Variants in GBE1 observed in about 807,000 individuals in gnomAD.
GBE1 encodes 1,4-alpha-glucan branching enzyme 1.
In GBE1, 70 loss-of-function variants were observed where a neutral mutation model predicts 88.8. The observed-to-expected ratio is 0.79, with a 90% CI of 0.65 to 0.96. The LOEUF (loss-of-function observed/expected upper bound fraction) is 0.96, where lower values mean the gene tolerates loss of function less well. Among genes scored for constraint, GBE1 ranks in the 40% least tolerant of loss-of-function variants. GBE1 has a pLI of 0.00. For synonymous variants in GBE1, 284 were observed against 300.1 expected, an observed-to-expected ratio of 0.95 and a Z score of 0.56; for missense variants, 872 against 871.0, an observed-to-expected ratio of 1.00 and a Z score of -0.01.
intron 12 of GBE1, among the ~76,000 whole-genome samples, chr3:81,567,113 T>A (rs1703505854): frequency 6.6e-6 from 1 of 152,178 alleles, no homozygotes; most frequent in Non-Finnish European, 1.5e-5. Context: ...ACGCTCATCA[T>A]CCCCTCAGAA....
At chr3:81,495,205 A>G (rs1702485316) in intron 15 of GBE1, among the ~76,000 whole-genome samples, 1 of 152,182 alleles carries the variant, frequency 6.6e-6, no homozygotes, top group Non-Finnish European at 1.5e-5. Flanking sequence ...CCTGGCCAAC[A>G]TGATGAAACC....
At chr3:81,750,645 G>A (rs13067988) in intron 1 of GBE1, among the ~76,000 whole-genome samples, 982 of 47,688 alleles carry the variant, frequency 0.021, 111 homozygotes, top group East Asian at 0.09. Flanking sequence ...ATATATATAT[G>A]TATATATATA....
intron 7 of GBE1, among the ~76,000 whole-genome samples, chr3:81,609,606 A>G (rs1704145935): frequency 6.7e-6 from 1 of 149,032 alleles, no homozygotes; most frequent in South Asian, 2.1e-4. Context: ...TTCTTTTGTT[A>G]TTTTGCTTGT....
intron 2 of GBE1, among the ~76,000 whole-genome samples, chr3:81,687,256 T>C (rs1451265535): frequency 6.6e-6 from 1 of 152,112 alleles, no homozygotes; most frequent in African/African-American, 2.4e-5. Flanking sequence ...CAACTTTATA[T>C]GCAGAGGGAA....
At chr3:81,586,917 T>C (rs759288875) in intron 9 of GBE1, among the ~76,000 whole-genome samples, 3 of 151,994 alleles carry the variant, frequency 2.0e-5, no homozygotes, top group Non-Finnish European at 4.4e-5. Context: ...GCCTCCCGAA[T>C]AGCTGGGATT....
intron 2 of GBE1, among the ~76,000 whole-genome samples, chr3:81,696,592 T>C (rs1464181018): frequency 1.3e-5 from 2 of 152,128 alleles, no homozygotes; most frequent in East Asian, 3.9e-4. Context: ...AGAATATGAA[T>C]AATGCACTTT....
intron 14 of GBE1, among the ~76,000 whole-genome samples, chr3:81,499,829 A>T (rs1038200409): frequency 5.3e-5 from 8 of 152,196 alleles, no homozygotes; most frequent in Admixed American, 3.3e-4. Context: ...AGCATATTAC[A>T]GCAAAATTAA....
chr3:81,754,516 A>C (rs1025155804), intron 1 of GBE1, among the ~76,000 whole-genome samples: 4 of 148,438 alleles, frequency 2.7e-5, no homozygotes, highest in African/African-American at 9.8e-5. Context: ...AATCTTAGCA[A>C]AAAAAAAAAA....
chr3:81,665,720 G>A (rs1173910329), intron 3 of GBE1, among the ~76,000 whole-genome samples: 2 of 152,000 alleles, frequency 1.3e-5, no homozygotes, highest in Non-Finnish European at 2.9e-5. Context: ...GGAGTACACA[G>A]AAAAAACAAA....
intron 7 of GBE1, among the ~76,000 whole-genome samples, chr3:81,623,925 C>A (rs937262835): frequency 6.6e-6 from 1 of 152,158 alleles, no homozygotes; most frequent in African/African-American, 2.4e-5. Flanking sequence ...CCTGTCTTGG[C>A]CTCCCAAAGT....
chr3:81,740,773 C>T (rs968972725), intron 1 of GBE1, among the ~76,000 whole-genome samples: 3 of 151,876 alleles, frequency 2.0e-5, no homozygotes, highest in African/African-American at 7.3e-5. Flanking sequence ...AGTGCACACA[C>T]ACACACACAC....
chr3:81,712,816 A>G (rs1398384231), intron 1 of GBE1, among the ~76,000 whole-genome samples: 3 of 151,956 alleles, frequency 2.0e-5, no homozygotes, highest in Non-Finnish European at 4.4e-5. Flanking sequence ...ATAAATAAAT[A>G]AATAAATAAA....
intron 12 of GBE1, among the ~76,000 whole-genome samples, chr3:81,561,562 T>C (rs1703417457): frequency 6.6e-6 from 1 of 152,012 alleles, no homozygotes; most frequent in African/African-American, 2.4e-5. Context: ...CTGACTGACA[T>C]GACAAGTGTG....
intron 12 of GBE1, among the ~76,000 whole-genome samples, chr3:81,552,616 T>C (rs1476345973): frequency 6.6e-6 from 1 of 151,600 alleles, no homozygotes; most frequent in African/African-American, 2.4e-5. Context: ...AAATCAGATT[T>C]CTATATTCCA....
intron 7 of GBE1, chr3:81,613,052 A>G: frequency 1.4e-6 from 1 of 692,210 alleles, no homozygotes; most frequent in Non-Finnish European, 2.1e-6. Context: ...GGGAGGAAAG[A>G]GAGGAGGATG....
intron 1 of GBE1, among the ~76,000 whole-genome samples, chr3:81,758,631 T>C (rs1322877464): frequency 6.6e-6 from 1 of 152,250 alleles, no homozygotes; most frequent in Non-Finnish European, 1.5e-5. Flanking sequence ...CAACTAATTG[T>C]AGTGTAACAA....
At chr3:81,705,767 C>T (rs1705767412) in intron 1 of GBE1, among the ~76,000 whole-genome samples, 154 bp from the exon 2 acceptor site, 1 of 152,134 alleles carries the variant, frequency 6.6e-6, no homozygotes, top group East Asian at 1.9e-4. Flanking sequence ...GTAGAGGCTA[C>T]CTGGTAGGAT....
intron 2 of GBE1, among the ~76,000 whole-genome samples, chr3:81,683,508 G>C (rs1705388863): frequency 6.6e-6 from 1 of 152,158 alleles, no homozygotes; most frequent in Admixed American, 6.6e-5. Context: ...TGCCAAGGTA[G>C]AACAACTTAA....
At chr3:81,682,494 A>C (rs191019533) in intron 2 of GBE1, among the ~76,000 whole-genome samples, 1 of 152,216 alleles carries the variant, frequency 6.6e-6, no homozygotes, top group African/African-American at 2.4e-5. Context: ...AAAAATAAAA[A>C]TAGTCATAAA....
Sources: gnomAD v4.1 joint callset for allele counts (sites outside exome capture counted in the v4.1 genomes callset) on GRCh38, gnomAD v4.1.1 for gene constraint, MANE v1.5 for transcripts, NCBI Gene and HGNC (gene_info 2026-07-23, HGNC 2026-07-21) for gene names.